LHFPL3: variants seen among roughly 807,000 people sequenced by gnomAD.
LHFPL3 encodes LHFPL tetraspan subfamily member 3 protein.
Under a neutral mutation model 19.3 loss-of-function variants are expected in LHFPL3, and 5 were observed. The ratio of observed to expected loss-of-function variants is 0.26; its 90% CI spans 0.14 to 0.54. The LOEUF is 0.54. LHFPL3 is among the 20% of genes least tolerant of loss of function. The pLI is 0.94. For synonymous variants in LHFPL3, 133 were observed against 126.2 expected, an observed-to-expected ratio of 1.05 and a Z score of -0.36; for missense variants, 249 against 307.4, an observed-to-expected ratio of 0.81 and a Z score of 1.42.
In LHFPL3 at chr7:104,831,847, C is replaced by A. The variant is rs1410280662; in HGVS notation, c.683-74340C>A. On this transcript the variant is annotated intron_variant, in intron 2 of 2. Coordinates refer to ENST00000424859, the MANE Select transcript of LHFPL3 (RefSeq NM_199000.3). ...GCACTACTGCTTATTATTTGAGTGACTTTGGTTAGTGACTGAAACCTTTTG... is the reference window on the plus strand; with the variant it reads ...GCACTACTGCTTATTATTTGAGTGAATTTGGTTAGTGACTGAAACCTTTTG... Among the ~76,000 whole-genome samples the A allele has an allele frequency of 2.0e-5, 3 of 151,908 alleles. No homozygotes were observed. In the East Asian group the frequency reaches 5.8e-4, roughly 29 times the overall value.
chr7:104,795,861 T>C (rs1374749386), intron 2 of LHFPL3, among the ~76,000 whole-genome samples: 1 of 152,220 alleles, frequency 6.6e-6, no homozygotes, highest in African/African-American at 2.4e-5. Flanking sequence ...AGTAAGTTAC[T>C]TTGGCATAGC....
intron 1 of LHFPL3, among the ~76,000 whole-genome samples, chr7:104,385,196 C>T (rs1790914449): frequency 6.6e-6 from 1 of 152,110 alleles, no homozygotes; most frequent in Non-Finnish European, 1.5e-5. Flanking sequence ...CTTGGTAGCC[C>T]AATACCATTA....
chr7:104,430,419 C>CATATATACATATATATATATACAT (rs1791959803), intron 1 of LHFPL3, among the ~76,000 whole-genome samples: 1 of 14,662 alleles, frequency 6.8e-5, no homozygotes, highest in African/African-American at 2.1e-4. Flanking sequence ...TATATATATA[C>CATATATACATATATATATATACAT]ATATATATAT....
intron 1 of LHFPL3, among the ~76,000 whole-genome samples, chr7:104,681,044 T>C (rs1389376147): frequency 1.3e-5 from 2 of 152,188 alleles, no homozygotes; most frequent in African/African-American, 4.8e-5. Flanking sequence ...TTAAATGAGA[T>C]ATAGCCTTTT....
chr7:104,733,997 A>T (rs1793753541), intron 1 of LHFPL3, among the ~76,000 whole-genome samples: 1 of 152,166 alleles, frequency 6.6e-6, no homozygotes, highest in Non-Finnish European at 1.5e-5. Flanking sequence ...GTTTGGCTGG[A>T]TATGAAATTC....
At chr7:104,430,921 C>T (rs540285350) in intron 1 of LHFPL3, among the ~76,000 whole-genome samples, 85 of 151,986 alleles carry the variant, frequency 5.6e-4, no homozygotes, top group African/African-American at 2.0e-3. Context: ...CCCCTTTATC[C>T]TAATTTGCAA....
chr7:104,650,558 C>T (rs903116849), intron 1 of LHFPL3, among the ~76,000 whole-genome samples: 1 of 152,194 alleles, frequency 6.6e-6, no homozygotes, highest in Non-Finnish European at 1.5e-5. Flanking sequence ...TAAATTATTC[C>T]ATTCAGATTA....
chr7:104,426,771 T>A (rs1400358721), intron 1 of LHFPL3, among the ~76,000 whole-genome samples: 1 of 152,216 alleles, frequency 6.6e-6, no homozygotes, highest in Non-Finnish European at 1.5e-5. Context: ...CCTCCTACTT[T>A]CATTTGCATT....
chr7:104,328,734 G>T lies in LHFPL3; in HGVS notation c.-46G>T, dbSNP rs748374402. Reference sequence around the variant, plus strand: ...TCTCCTGCGCGCTGAGAGGCGGGGGGAGGCGGAGGACCAGGAGGAGGAGGA... The same window carrying T: ...TCTCCTGCGCGCTGAGAGGCGGGGGTAGGCGGAGGACCAGGAGGAGGAGGA... On this transcript the variant is annotated 5_prime_UTR_variant, in exon 1 of 3. Transcript: ENST00000424859. The surrounding 1 kb of genome is among the most constrained non-coding windows in gnomAD (Gnocchi z 4.6). 1.3e-5 allele frequency: 19 copies of T among 1,494,984 alleles called. No individual in the cohort carries two copies. In the South Asian group the frequency reaches 1.7e-4, roughly 13 times the overall value. 92.6% of individuals were successfully genotyped at this position (1,494,984 alleles called of 1,614,324 possible).
intron 2 of LHFPL3, among the ~76,000 whole-genome samples, chr7:104,801,525 GT>G (rs1168669409): frequency 9.9e-5 from 15 of 152,064 alleles, no homozygotes; most frequent in African/African-American, 3.6e-4. Flanking sequence ...TAGCACCAAA[GT>G]TTTTTGTTGT....
At chr7:104,738,506 C>T (rs891571784) in intron 2 of LHFPL3, 2 of 152,124 alleles carry the variant, frequency 1.3e-5, no homozygotes, top group African/African-American at 2.4e-5. Context: ...CTATTGTTTC[C>T]TGTACAGTTC....
At chr7:104,483,327 G>A (rs1485553928) in intron 1 of LHFPL3, among the ~76,000 whole-genome samples, 1 of 152,138 alleles carries the variant, frequency 6.6e-6, no homozygotes, top group Non-Finnish European at 1.5e-5. Flanking sequence ...AGATTAAACA[G>A]GAAAGGTGTA....
At chr7:104,823,188 AAAG>A (rs1790710830) in intron 2 of LHFPL3, among the ~76,000 whole-genome samples, 1 of 152,182 alleles carries the variant, frequency 6.6e-6, no homozygotes, top group Non-Finnish European at 1.5e-5. Flanking sequence ...AATTTCAGAT[AAAG>A]AAGAAATGGG....
At chr7:104,626,124 T>C (rs1011518524) in intron 1 of LHFPL3, among the ~76,000 whole-genome samples, 1 of 152,144 alleles carries the variant, frequency 6.6e-6, no homozygotes, top group Non-Finnish European at 1.5e-5. Flanking sequence ...CCCATGTAAT[T>C]TTTTCACTTT....
chr7:104,452,506 A>G (rs1792460336), intron 1 of LHFPL3, among the ~76,000 whole-genome samples: 1 of 152,218 alleles, frequency 6.6e-6, no homozygotes, highest in Non-Finnish European at 1.5e-5. Flanking sequence ...TGCTAAAAAA[A>G]TCTAATGATC....
At position 104,424,062 on chromosome 7, in the gene LHFPL3, G is replaced by T. The variant is rs530056082; in HGVS notation, c.445+94838G>T. Among the ~76,000 whole-genome samples, 11 of 152,168 alleles carry T rather than the reference G, an allele frequency of 7.2e-5. No homozygotes were observed. The East Asian group carries it at 1.5e-3, about 21-fold the overall frequency. Reference sequence around the variant, plus strand: ...TAAAACAAAACTTAGTTTTAAAATCGTATCACTCGACTAGTGCTTTCGAAA... The same window carrying T: ...TAAAACAAAACTTAGTTTTAAAATCTTATCACTCGACTAGTGCTTTCGAAA... On this transcript the variant is annotated intron_variant, in intron 1 of 2. Coordinates refer to ENST00000424859, the MANE Select transcript of LHFPL3 (RefSeq NM_199000.3).
intron 1 of LHFPL3, among the ~76,000 whole-genome samples, chr7:104,630,513 G>C (rs1286936563): frequency 6.6e-6 from 1 of 152,188 alleles, no homozygotes; most frequent in Non-Finnish European, 1.5e-5. Context: ...AAGCTGCATA[G>C]AGACCATTGA....
chr7:104,806,363 G>C (rs1790361600), intron 2 of LHFPL3, among the ~76,000 whole-genome samples: 2 of 152,170 alleles, frequency 1.3e-5, no homozygotes, highest in African/African-American at 2.4e-5. Context: ...TTTTCTACCA[G>C]AGTTTATTCT....
chr7:104,749,334 T>C (rs1794112480), intron 2 of LHFPL3, among the ~76,000 whole-genome samples: 2 of 152,288 alleles, frequency 1.3e-5, no homozygotes, highest in African/African-American at 4.8e-5. Context: ...ATATAATGAA[T>C]AATATAACAG....
Sources: allele counts gnomAD v4.1 joint callset (sites outside exome capture counted in the v4.1 genomes callset), GRCh38; gene constraint gnomAD v4.1.1; non-coding constraint Gnocchi (gnomAD v3.1); transcripts MANE v1.5; gene names NCBI Gene and HGNC (gene_info 2026-07-23, HGNC 2026-07-21).